The following ZNG1C variants were observed in gnomAD, a reference collection of about 807,000 sequenced individuals.
ZNG1C encodes Zn regulated GTPase metalloprotein activator 1C, also known as zinc-regulated GTPase metalloprotein activator 1C.
chr9:68,275,315 GTT>G, the ZNG1C span, among the ~76,000 whole-genome samples: 1 of 142,372 alleles, frequency 7.0e-6, no homozygotes, highest in East Asian at 2.3e-4. Context: ...TTTTTCTTGA[GTT>G]TTTTTTTAAT....
At chr9:68,296,641 G>T in the ZNG1C span, among the ~76,000 whole-genome samples, 1 of 152,088 alleles carries the variant, frequency 6.6e-6, no homozygotes, top group Non-Finnish European at 1.5e-5. Flanking sequence ...ATGCAAAGAT[G>T]TGCTTTAGTA....
At chr9:68,255,585 GAGGCAAATA>G in the ZNG1C span, among the ~76,000 whole-genome samples, 1 of 146,324 alleles carries the variant, frequency 6.8e-6, no homozygotes, top group Non-Finnish European at 1.5e-5. Flanking sequence ...TTCAACTTAA[GAGGCAAATA>G]TTAACAGTAG....
chr9:68,257,020 T>G, the ZNG1C span: 2 of 151,956 alleles, frequency 1.3e-5, no homozygotes, highest in East Asian at 1.0e-4. Context: ...TTCTTGGTTT[T>G]TTTTTTTGTT....
At chr9:68,257,926 G>T in the ZNG1C span, among the ~76,000 whole-genome samples, 1 of 144,984 alleles carries the variant, frequency 6.9e-6, no homozygotes, top group Non-Finnish European at 1.5e-5. Flanking sequence ...GCGGGTAACT[G>T]GTTGAATTCC....
At chr9:68,256,647 G>A in the ZNG1C span, among the ~76,000 whole-genome samples, 7 of 129,060 alleles carry the variant, frequency 5.4e-5, no homozygotes, top group African/African-American at 2.1e-4. Context: ...TATGGCATCG[G>A]TAGAAGAATG....
the ZNG1C span, among the ~76,000 whole-genome samples, chr9:68,244,706 C>A: frequency 8.7e-6 from 1 of 114,956 alleles, no homozygotes; most frequent in Non-Finnish European, 1.8e-5. Flanking sequence ...ACTTTTTTTT[C>A]TACTGGAGAT....
the ZNG1C span, among the ~76,000 whole-genome samples, chr9:68,276,192 T>C: frequency 6.2e-5 from 7 of 112,688 alleles, no homozygotes; most frequent in Non-Finnish European, 1.1e-4. Context: ...TCATTGTAGA[T>C]TCTGGATATT....
chr9:68,299,224 C>A, the ZNG1C span: 10 of 1,563,262 alleles, frequency 6.4e-6, no homozygotes, highest in African/African-American at 1.2e-4. Context: ...GTCAATGTTT[C>A]ATCTTTGTCA....
the ZNG1C span, chr9:68,272,493 C>T: frequency 1.8e-5 from 1 of 55,074 alleles, no homozygotes; most frequent in Non-Finnish European, 4.0e-5. Flanking sequence ...ATGGTTTTAT[C>T]TCCAAAGGAG....
At chr9:68,296,376 C>T in the ZNG1C span, among the ~76,000 whole-genome samples, 5 of 151,814 alleles carry the variant, frequency 3.3e-5, no homozygotes, top group African/African-American at 7.3e-5. Flanking sequence ...GTATACTGCT[C>T]AGGTGATGGG....
the ZNG1C span, chr9:68,254,485 GTAT>G: frequency 6.6e-6 from 1 of 151,666 alleles, no homozygotes; most frequent in Non-Finnish European, 1.5e-5. Context: ...CTGTATGTGT[GTAT>G]TTCTTTTTGT....
the ZNG1C span, among the ~76,000 whole-genome samples, chr9:68,290,427 C>G: frequency 1.8e-5 from 1 of 56,516 alleles, no homozygotes; most frequent in African/African-American, 7.3e-5. Flanking sequence ...AAAAATTAGC[C>G]AGGCATGGTG....
chr9:68,282,993 GA>G, the ZNG1C span, among the ~76,000 whole-genome samples: 1 of 98,418 alleles, frequency 1.0e-5, no homozygotes, highest in Non-Finnish European at 2.1e-5. Context: ...AGGTAAAAAT[GA>G]CTACTTCTTG....
chr9:68,276,560 G>C, the ZNG1C span, among the ~76,000 whole-genome samples: 64 of 149,936 alleles, frequency 4.3e-4, 1 homozygote, highest in Admixed American at 1.8e-3. Flanking sequence ...ATTAAATAGG[G>C]AATCCTTTCC....
the ZNG1C span, among the ~76,000 whole-genome samples, chr9:68,265,030 A>G: frequency 9.9e-6 from 1 of 100,894 alleles, no homozygotes; most frequent in Non-Finnish European, 2.1e-5. Context: ...TAATTTTTGC[A>G]TTTTTTTATT....
the ZNG1C span, among the ~76,000 whole-genome samples, chr9:68,257,977 T>G: frequency 7.6e-6 from 1 of 131,774 alleles, no homozygotes; most frequent in Non-Finnish European, 1.6e-5. Context: ...CAGCATATAT[T>G]CAGAGATTGC....
chr9:68,247,611 A>G, the ZNG1C span: 5 of 1,515,810 alleles, frequency 3.3e-6, no homozygotes, highest in Non-Finnish European at 4.4e-6. Flanking sequence ...TATTTATTCT[A>G]GGAAGTGCGC....
chr9:68,256,458 T>A, the ZNG1C span, among the ~76,000 whole-genome samples: 15 of 126,024 alleles, frequency 1.2e-4, no homozygotes, highest in African/African-American at 4.6e-4. Context: ...AAGTAAATTT[T>A]TTTTGGGCAA....
chr9:68,244,927 TA>T, the ZNG1C span, among the ~76,000 whole-genome samples: 14 of 150,658 alleles, frequency 9.3e-5, no homozygotes, highest in South Asian at 3.0e-3. Flanking sequence ...AAGGTCACTA[TA>T]AATAAAAGAT....
Sources: allele counts gnomAD v4.1 joint callset (sites outside exome capture counted in the v4.1 genomes callset), GRCh38; gene constraint gnomAD v4.1.1; transcripts MANE v1.5; gene names NCBI Gene and HGNC (gene_info 2026-07-23, HGNC 2026-07-21).